Variants in MGAT5 observed in about 807,000 individuals in gnomAD.
MGAT5 encodes the protein alpha-1,6-mannosylglycoprotein 6-beta-N-acetylglucosaminyltransferase A.
In MGAT5, 30 loss-of-function variants were observed where a neutral mutation model predicts 94.3. The observed-to-expected ratio is 0.32, with a 90% CI of 0.24 to 0.43. The LOEUF is 0.43. MGAT5 is among the 20% of genes least tolerant of loss of function. The probability of loss-of-function intolerance (pLI) is 1.00; values close to 1 mark genes in which losing one functional copy is unlikely to be tolerated. For missense variants in MGAT5, 691 were observed against 905.5 expected (o/e 0.76, Z 3.04); for synonymous variants, 310 against 322.9 (o/e 0.96, Z 0.43).
chr2:134,253,762 A>G (rs1473770628), upstream of MGAT5, among the ~76,000 whole-genome samples: 3 of 152,158 alleles, frequency 2.0e-5, no homozygotes, highest in African/African-American at 7.2e-5. Context: ...CTCAAATAAG[A>G]TGTAGCAATC....
intron 2 of MGAT5, among the ~76,000 whole-genome samples, chr2:134,280,829 C>T (rs145920277): frequency 2.6e-5 from 4 of 152,216 alleles, no homozygotes; most frequent in South Asian, 2.1e-4. Context: ...ATAAGAGCTC[C>T]GTAAGCTTTG....
intron 1 of MGAT5, among the ~76,000 whole-genome samples, chr2:134,155,088 G>A (rs1015286436): frequency 3.3e-5 from 5 of 152,218 alleles, no homozygotes; most frequent in African/African-American, 7.2e-5. Flanking sequence ...GCAGGTGGAT[G>A]GGGTGGGTTA....
intron 1 of MGAT5, among the ~76,000 whole-genome samples, chr2:134,200,159 T>TC (rs1247619299): frequency 5.2e-5 from 1 of 19,320 alleles, no homozygotes; most frequent in African/African-American, 1.9e-4. Context: ...ATCCCCCCAT[T>TC]CCCCCCCTGC....
intron 10 of MGAT5, among the ~76,000 whole-genome samples, chr2:134,396,648 G>A (rs188585849): frequency 1.2e-4 from 18 of 152,310 alleles, no homozygotes; most frequent in Non-Finnish European, 2.4e-4. Context: ...TGCCGTGCCC[G>A]AGATCCATGT....
intron 2 of MGAT5, among the ~76,000 whole-genome samples, chr2:134,289,942 A>G (rs894636573): frequency 3.9e-5 from 6 of 152,172 alleles, no homozygotes; most frequent in Non-Finnish European, 7.3e-5. Flanking sequence ...TCTTTTTGCT[A>G]TAATAAATCT....
chr2:134,204,980 A>G (rs1287244548), intron 1 of MGAT5, among the ~76,000 whole-genome samples: 1 of 152,214 alleles, frequency 6.6e-6, no homozygotes, highest in Non-Finnish European at 1.5e-5. Context: ...AGGGAAGGAA[A>G]GGATGATAAT....
chr2:134,374,234 TACAC>T (rs1238924969), intron 10 of MGAT5, among the ~76,000 whole-genome samples: 16 of 152,266 alleles, frequency 1.1e-4, no homozygotes, highest in African/African-American at 3.6e-4. Flanking sequence ...TGTTTACACA[TACAC>T]AAGTATATGA....
Position 134,441,836 on chromosome 2 carries a change from A to G in MGAT5, c.1948A>G (p.Lys650Glu). Residue 650 changes from lysine to glutamate, a missense_variant, in exon 15 of 16, where the codon AAG becomes GAG. Lys to Glu is a moderately conservative substitution (Grantham distance 56, BLOSUM62 1). This residue lies in a region of MGAT5 where 260 missense variants were observed against 347.0 expected (regional missense o/e 0.75). Coordinates refer to ENST00000281923, the MANE Select transcript of MGAT5 (RefSeq NM_002410.5). Reference protein sequence around the residue: ...VKLAEPGQSCKQVCQESQLIC... With the variant: ...VKLAEPGQSCEQVCQESQLIC... ...GCTTGCTGAGCCCGGGCAGTCCTGC[A>G]AGCAGGTGTGCCAGGAGAGCCAGCT... 1.2e-6 allele frequency: 2 copies of G among 1,614,150 alleles called. No homozygotes were observed. Among genetic ancestry groups the G allele is most frequent in the Non-Finnish European group, 1.7e-6 (2 of 1,180,008 alleles).
In MGAT5 at chr2:134,237,148, T is replaced by TGTGTGTGTGTGTGTGTGC. The variant is rs374914892; in HGVS notation, c.-142-17113_-142-17112insTGTGTGTGTGTGTGTGCG. 3.6e-3 allele frequency among the ~76,000 whole-genome samples: 510 copies of TGTGTGTGTGTGTGTGTGC among 140,792 alleles called. 8 individuals are homozygous for TGTGTGTGTGTGTGTGTGC. The East Asian group carries it at 0.081, about 22-fold the overall frequency. The allele number at this position is 140,792 out of a possible 152,430, so 92.4% of individuals were successfully genotyped here. A position where few individuals can be genotyped will look rare whatever the true frequency, so the allele number is the denominator to read the frequency against. On this transcript the variant is annotated intron_variant, in intron 1 of 16. Transcript: ENST00000409645. ...ATGTGTGTGTGTGTGTGTGTGTGTG[T>TGTGTGTGTGTGTGTGTGC]GCGCGTGTGTGTGAATTTTTACCCT...
At chr2:134,279,625 G>T (rs1684577685) in intron 2 of MGAT5, among the ~76,000 whole-genome samples, 2 of 152,204 alleles carry the variant, frequency 1.3e-5, no homozygotes, top group South Asian at 4.1e-4. Context: ...AACATACACT[G>T]CAGGGCTGTC....
At chr2:134,149,415 G>A (rs1247170562) in intron 1 of MGAT5, among the ~76,000 whole-genome samples, 1 of 133,346 alleles carries the variant, frequency 7.5e-6, no homozygotes, top group African/African-American at 3.1e-5. Flanking sequence ...GAAAGCAAGG[G>A]TGAGTAAAAA....
intron 2 of MGAT5, among the ~76,000 whole-genome samples, chr2:134,281,482 C>T (rs1180020738): frequency 6.6e-6 from 1 of 152,180 alleles, no homozygotes; most frequent in Non-Finnish European, 1.5e-5. Context: ...CTTGTAGATG[C>T]ATTCACCCTA....
intron 10 of MGAT5, among the ~76,000 whole-genome samples, chr2:134,400,319 G>A (rs1218097813): frequency 6.6e-6 from 1 of 152,204 alleles, no homozygotes; most frequent in Non-Finnish European, 1.5e-5. Flanking sequence ...TTACATCAAT[G>A]TCAAAGGCTA....
intron 15 of MGAT5, among the ~76,000 whole-genome samples, chr2:134,443,997 G>C (rs1685635366): frequency 6.6e-6 from 1 of 152,184 alleles, no homozygotes; most frequent in Non-Finnish European, 1.5e-5. Context: ...CTCAGAGCTA[G>C]CATGGGGCCC....
At chr2:134,379,403 T>A (rs1573963668) in intron 10 of MGAT5, among the ~76,000 whole-genome samples, 1 of 152,200 alleles carries the variant, frequency 6.6e-6, no homozygotes, top group East Asian at 1.9e-4. Flanking sequence ...AGCTCAGGAA[T>A]AGACACAGAG....
intron 1 of MGAT5, among the ~76,000 whole-genome samples, chr2:134,240,985 G>T (rs1681942244): frequency 6.6e-6 from 1 of 152,236 alleles, no homozygotes; most frequent in African/African-American, 2.4e-5. Flanking sequence ...CTCCCTTCTG[G>T]ATTCTGAACT....
chr2:134,284,192 C>G (rs1684870296), intron 2 of MGAT5, among the ~76,000 whole-genome samples: 1 of 152,180 alleles, frequency 6.6e-6, no homozygotes, highest in Non-Finnish European at 1.5e-5. Flanking sequence ...AGATTTATCT[C>G]AACAGTTCTA....
At chr2:134,139,933 C>T (rs1023314454) in intron 1 of MGAT5, among the ~76,000 whole-genome samples, 9 of 152,150 alleles carry the variant, frequency 5.9e-5, no homozygotes, top group African/African-American at 2.2e-4. Context: ...ATGTGGCCTT[C>T]CTTCTACACC....
At chr2:134,389,231 TTAAG>T (rs1230487905) in intron 10 of MGAT5, among the ~76,000 whole-genome samples, 1 of 152,226 alleles carries the variant, frequency 6.6e-6, no homozygotes, top group Non-Finnish European at 1.5e-5. Flanking sequence ...GATAGTCTAA[TTAAG>T]TGTCTTTATG....
Sources: gnomAD v4.1 joint callset for allele counts (sites outside exome capture counted in the v4.1 genomes callset) on GRCh38, gnomAD v4.1.1 for gene constraint, gnomAD v4.1.1 regional missense constraint, MANE v1.5 for transcripts, NCBI Gene and HGNC (gene_info 2026-07-23, HGNC 2026-07-21) for gene names.